Variants in CEP164 observed in about 807,000 individuals in gnomAD.
The protein encoded by CEP164 is centrosomal protein of 164 kDa.
In CEP164, 162 loss-of-function variants were observed where a neutral mutation model predicts 182.7. That is an observed-to-expected ratio of 0.89 (90% CI 0.78 to 1.01). The LOEUF (loss-of-function observed/expected upper bound fraction) is 1.01, where lower values mean the gene tolerates loss of function less well. Ranked by LOEUF, CEP164 falls within the 50% of genes least tolerant of loss-of-function variation. The pLI, the probability that CEP164 is intolerant of heterozygous loss-of-function variation, is 0.00. For missense variants in CEP164, 1,735 were observed against 1,790.4 expected (o/e 0.97, Z 0.56); for synonymous variants, 661 against 690.0 (o/e 0.96, Z 0.66).
At chr11:117,407,847 C>G (rs979897043) in intron 27 of CEP164, 78 bp from the exon 28 acceptor site, 2 of 990,620 alleles carry the variant, frequency 2.0e-6, no homozygotes, top group Non-Finnish European at 3.1e-6. Context: ...CAAGATCACC[C>G]AGTCAGCAAA....
chr11:117,351,766 C>A (rs1390891704), intron 4 of CEP164, 24 bp from the exon 5 acceptor site: 3 of 1,604,646 alleles, frequency 1.9e-6, no homozygotes, highest in African/African-American at 2.7e-5. Context: ...CAGGGACTAA[C>A]TTCTGAACTC....
At position 117,392,210 on chromosome 11, in the gene CEP164, C is replaced by T. The variant is rs772248597; in HGVS notation, c.2284-16C>T. 6.4e-7 allele frequency: 1 copy of T among 1,562,810 alleles called. No individual in the cohort carries two copies. The highest frequency in any genetic ancestry group is 1.7e-4 in the Middle Eastern group (1 of 5,814). ...ACCTGGCCAGCTTCACTCACAGTCC[C>T]TTTGCTCCTCCCCAGGCTGTGGCAA... On this transcript the variant is annotated splice_polypyrimidine_tract_variant and intron_variant, in intron 17 of 32. Transcript: ENST00000278935.
intron 1 of CEP164, among the ~76,000 whole-genome samples, chr11:117,330,229 A>C: frequency 6.6e-6 from 1 of 152,126 alleles, no homozygotes; most frequent in East Asian, 1.9e-4. Context: ...CCTTTAATTC[A>C]TGTAACACAT....
chr11:117,393,975 C>T (rs2045078344), intron 20 of CEP164, among the ~76,000 whole-genome samples: 1 of 152,246 alleles, frequency 6.6e-6, no homozygotes, highest in Non-Finnish European at 1.5e-5. Flanking sequence ...GCAGAAATAG[C>T]AGTCCCATGA....
At chr11:117,341,490 C>G (rs1181707849) in intron 3 of CEP164, among the ~76,000 whole-genome samples, 2 of 151,948 alleles carry the variant, frequency 1.3e-5, no homozygotes, top group Non-Finnish European at 2.9e-5. Context: ...GTCACTCAGA[C>G]TGGAGTGCAG....
intron 3 of CEP164, among the ~76,000 whole-genome samples, chr11:117,339,980 C>T (rs910348269): frequency 6.6e-6 from 1 of 152,050 alleles, no homozygotes; most frequent in African/African-American, 2.4e-5. Context: ...AATCCACCTC[C>T]AGGTATTCAA....
chr11:117,364,510 A>T (rs1306607407), intron 8 of CEP164, among the ~76,000 whole-genome samples: 3 of 150,700 alleles, frequency 2.0e-5, no homozygotes, highest in African/African-American at 2.4e-5. Flanking sequence ...ATAGCCCCTG[A>T]TTTGGTACTT....
At chr11:117,381,104 C>T (rs988513146) in intron 12 of CEP164, among the ~76,000 whole-genome samples, 1 of 152,110 alleles carries the variant, frequency 6.6e-6, no homozygotes, top group African/African-American at 2.4e-5. Flanking sequence ...AGGGTTGGTA[C>T]TGCAGCTCAA....
Position 117,351,998 on chromosome 11 carries a change from T to C in CEP164, c.393+10T>C, listed in dbSNP as rs1249793515. On this transcript the variant is annotated intron_variant, in intron 5 of 32. Coordinates refer to ENST00000278935, the MANE Select transcript of CEP164 (RefSeq NM_014956.5). Reference sequence around the variant, plus strand: ...CCCCAAAAGTTCGCTGGTGAGTCAGTGGATGCCTCCTCCCAGAGAGGCCAG... The same window carrying C: ...CCCCAAAAGTTCGCTGGTGAGTCAGCGGATGCCTCCTCCCAGAGAGGCCAG... 2.6e-6 allele frequency: 4 copies of C among 1,558,674 alleles called. No individual in the cohort carries two copies. The highest frequency in any genetic ancestry group is 3.5e-6 in the Non-Finnish European group (4 of 1,151,434).
intron 27 of CEP164, among the ~76,000 whole-genome samples, chr11:117,407,575 C>T (rs2046853446): frequency 6.6e-6 from 1 of 151,502 alleles, no homozygotes; most frequent in African/African-American, 2.4e-5. Context: ...ATTGCCTGAG[C>T]CCAGGAAGTT....
chr11:117,335,161 TCAG>T (rs1167466882), intron 1 of CEP164, among the ~76,000 whole-genome samples: 1 of 152,192 alleles, frequency 6.6e-6, no homozygotes, highest in African/African-American at 2.4e-5. Flanking sequence ...AGCTTTTTAG[TCAG>T]CAGTGGTCAG....
In CEP164 at chr11:117,412,527, C is replaced by T; in HGVS notation, c.*359C>T. The T allele has an allele frequency of 4.5e-6, 1 of 223,720 alleles. No homozygotes were observed. Among genetic ancestry groups the T allele is most frequent in the Non-Finnish European group, 9.0e-6 (1 of 110,944 alleles). The allele number at this position is 223,720 out of a possible 1,614,324, so 13.9% of individuals were successfully genotyped here. ...TTTGGAGCTGGTTGTTTCCTTGGCC[C>T]TGCAGCGCACTGCTCGGGGCTCCCA... On this transcript the variant is annotated 3_prime_UTR_variant, in exon 33 of 33. Transcript: ENST00000278935.
intron 14 of CEP164, chr11:117,386,143 C>G (rs976356394): frequency 1.3e-5 from 2 of 152,240 alleles, no homozygotes; most frequent in Non-Finnish European, 2.9e-5. Context: ...ACTGAGCCAC[C>G]ATGCCAGGCC....
chr11:117,355,647 T>C, intron 5 of CEP164: 1 of 1,191,916 alleles, frequency 8.4e-7, no homozygotes, highest in Non-Finnish European at 1.1e-6. Context: ...ACTGAAGACC[T>C]GAGCTGGCAG....
Position 117,371,329 on chromosome 11 carries a change from C to T in CEP164, c.1015C>T (p.Pro339Ser), listed in dbSNP as rs751471244. The change falls in exon 9 of 33, where the codon CCT becomes TCT. Residue 339 changes from proline (P) to serine (S), a missense_variant. Coordinates refer to ENST00000278935, the MANE Select transcript of CEP164 (RefSeq NM_014956.5). Reference protein sequence around the residue: ...TPKADPTGSEPAKASEKEAPE... With the variant: ...TPKADPTGSESAKASEKEAPE... ...CAAGGCAGACCCTACAGGCAGTGAG[C>T]CTGCCAAAGCCTCTGAAAAGGAAGC... 2 of 1,614,168 alleles carry T rather than the reference C, an allele frequency of 1.2e-6. No individual in the cohort carries two copies. Among genetic ancestry groups the T allele is most frequent in the South Asian group, 1.1e-5 (1 of 91,076 alleles).
chr11:117,393,159 A>C, intron 20 of CEP164, 33 bp downstream of exon 20: 1 of 1,602,816 alleles, frequency 6.2e-7, no homozygotes, highest in African/African-American at 1.3e-5. Context: ...GCGCATGCAC[A>C]CACATGCACA....
intron 25 of CEP164, 22 bp downstream of exon 25, chr11:117,396,202 G>A: frequency 6.4e-7 from 1 of 1,562,982 alleles, no homozygotes; most frequent in Non-Finnish European, 8.8e-7. Context: ...GCTGGGGCCT[G>A]GGGGCTGGGG....
At chr11:117,390,063 C>A (rs1262026886) in intron 15 of CEP164, among the ~76,000 whole-genome samples, 1 of 151,388 alleles carries the variant, frequency 6.6e-6, no homozygotes, top group East Asian at 1.9e-4. Flanking sequence ...CTGTCTCAGC[C>A]TCCCAAGTAG....
intron 27 of CEP164, among the ~76,000 whole-genome samples, chr11:117,405,391 C>T (rs561186982): frequency 2.2e-4 from 33 of 152,228 alleles, no homozygotes; most frequent in African/African-American, 7.9e-4. Context: ...TCGTGTCTTC[C>T]CTTGGCTAGG....
Sources: allele counts gnomAD v4.1 joint callset (sites outside exome capture counted in the v4.1 genomes callset), GRCh38; gene constraint gnomAD v4.1.1; transcripts MANE v1.5; gene names NCBI Gene and HGNC (gene_info 2026-07-23, HGNC 2026-07-21).